CSNK1D: variants seen among roughly 807,000 people sequenced by gnomAD.
The protein encoded by CSNK1D is casein kinase I isoform delta.
Under a neutral mutation model 46.6 loss-of-function variants are expected in CSNK1D, and 16 were observed. The ratio of observed to expected loss-of-function variants is 0.34; its 90% CI spans 0.23 to 0.52. The LOEUF is 0.52. CSNK1D is among the 20% of genes least tolerant of loss of function. The pLI, the probability that CSNK1D is intolerant of heterozygous loss-of-function variation, is 0.95. For missense variants in CSNK1D, 398 were observed against 578.4 expected (o/e 0.69, Z 3.20); for synonymous variants, 276 against 228.2 (o/e 1.21, Z -1.89).
In CSNK1D at chr17:82,243,787, C is replaced by CT; in HGVS notation, c.*993dup. The CT allele has an allele frequency of 3.0e-6, 3 of 985,466 alleles. No homozygotes were observed. Among genetic ancestry groups the CT allele is most frequent in the Non-Finnish European group, 3.6e-6 (3 of 829,960 alleles). 61.0% of individuals were successfully genotyped at this position (985,466 alleles called of 1,614,324 possible). ...GAGCATTGAGTGCTGAGAAAATGGACTGAGTGCAAAGGCAGCAAGGCAACA... is the reference window on the plus strand; with the variant it reads ...GAGCATTGAGTGCTGAGAAAATGGACTTGAGTGCAAAGGCAGCAAGGCAACA... On this transcript the variant is annotated 3_prime_UTR_variant, in exon 9 of 9. Transcript: ENST00000314028.
chr17:82,250,516 G>A lies in CSNK1D; in HGVS notation c.885+863C>T, dbSNP rs113613283. On this transcript the variant is annotated intron_variant, in intron 6 of 8. Transcript: ENST00000314028. The surrounding 1 kb of genome is among the most constrained non-coding windows in gnomAD (Gnocchi z 4.6). ...CTGCCCTGCCGAGTGCACCCCTCCC[G>A]GCACCTGGGCCCCGAGGCTCGGGCC... 152 of 250,416 alleles carry A rather than the reference G, an allele frequency of 6.1e-4. 1 individual carries two copies. Among genetic ancestry groups the A allele is most frequent in the African/African-American group, 3.1e-3 (137 of 43,698 alleles). 15.5% of individuals were successfully genotyped at this position (250,416 alleles called of 1,614,324 possible).
intron 1 of CSNK1D, among the ~76,000 whole-genome samples, chr17:82,271,290 G>C (rs2051616853): frequency 6.6e-6 from 1 of 152,126 alleles, no homozygotes; most frequent in Non-Finnish European, 1.5e-5. Flanking sequence ...TGGCCAGGCT[G>C]GTCTCCTGAC....
chr17:82,255,418 A>G lies in CSNK1D; in HGVS notation c.336+11T>C. 1 of 1,614,180 alleles carries G rather than the reference A, an allele frequency of 6.2e-7. No individual in the cohort carries two copies. The highest frequency in any genetic ancestry group is 8.5e-7 in the Non-Finnish European group (1 of 1,180,026). ...GCAAGTGTGTGCCAACTGTCAGGAAACAGTCCTTACCATTTGGTCAGCAAG... is the reference window on the plus strand; with the variant it reads ...GCAAGTGTGTGCCAACTGTCAGGAAGCAGTCCTTACCATTTGGTCAGCAAG... On this transcript the variant is annotated intron_variant, in intron 3 of 8. Coordinates refer to ENST00000314028, the MANE Select transcript of CSNK1D (RefSeq NM_001893.6). This position sits in a 1 kb window ranked among gnomAD's most constrained non-coding sequence, Gnocchi z 5.9.
rs964824656 is a variant in CSNK1D at position 82,250,573 on chromosome 17, A to G, written c.885+806T>C. ...GCCTGCCATCTCTCCGGGGCCTCCA[A>G]GTACTCCCCACGCTGATGGGCACTT... On this transcript the variant is annotated intron_variant, in intron 6 of 8. Transcript: ENST00000314028. This position sits in a 1 kb window ranked among gnomAD's most constrained non-coding sequence, Gnocchi z 4.6. 3 of 236,608 alleles carry G rather than the reference A, an allele frequency of 1.3e-5. No individual in the cohort carries two copies. The highest frequency in any genetic ancestry group is 2.3e-5 in the African/African-American group (1 of 43,606). The allele number at this position is 236,608 out of a possible 1,614,324, so 14.7% of individuals were successfully genotyped here.
At chr17:82,259,310 ACT>A (rs1476093250) in intron 2 of CSNK1D, among the ~76,000 whole-genome samples, 2 of 152,168 alleles carry the variant, frequency 1.3e-5, no homozygotes, top group Non-Finnish European at 1.5e-5. Context: ...AATTTGCTCA[ACT>A]CTCTAATCTG....
chr17:82,247,406 C>A (rs1253708151), intron 8 of CSNK1D: 1 of 985,362 alleles, frequency 1.0e-6, no homozygotes, highest in East Asian at 1.1e-4. Flanking sequence ...TCACTGCCCA[C>A]AAAGATCCCA....
chr17:82,269,394 G>T (rs2051560833), intron 1 of CSNK1D, among the ~76,000 whole-genome samples: 1 of 152,166 alleles, frequency 6.6e-6, no homozygotes, highest in South Asian at 2.1e-4. Context: ...GACCCCAGAA[G>T]CTACAGGAAG....
At chr17:82,257,803 CA>C (rs1047557980) in intron 2 of CSNK1D, among the ~76,000 whole-genome samples, 1 of 152,224 alleles carries the variant, frequency 6.6e-6, no homozygotes, top group Admixed American at 6.5e-5. Context: ...CAATGTCCGG[CA>C]TCCAAAGTGG....
intron 8 of CSNK1D, chr17:82,246,264 C>A: frequency 6.9e-7 from 1 of 1,449,576 alleles, no homozygotes; most frequent in Admixed American, 2.2e-5. Flanking sequence ...GCTCTTAAGG[C>A]CAACAATGGC....
In CSNK1D at chr17:82,252,341, C is replaced by A. The variant is rs908231512; in HGVS notation, c.736+93G>T. On this transcript the variant is annotated intron_variant, in intron 5 of 8. Coordinates refer to ENST00000314028, the MANE Select transcript of CSNK1D (RefSeq NM_001893.6). This position sits in a 1 kb window ranked among gnomAD's most constrained non-coding sequence, Gnocchi z 4.6. ...CCCCTTTGGAAGGTGAGCAACTCTT[C>A]TGACAAAACCCAGACTGAGCCGTCT... 1.4e-6 allele frequency: 2 copies of A among 1,473,228 alleles called. No homozygotes were observed. The allele number at this position is 1,473,228 out of a possible 1,614,324, so 91.3% of individuals were successfully genotyped here.
At chr17:82,257,372 G>A (rs1272830933) in intron 2 of CSNK1D, among the ~76,000 whole-genome samples, 1 of 151,998 alleles carries the variant, frequency 6.6e-6, no homozygotes, top group African/African-American at 2.4e-5. Context: ...TGCTTTATGA[G>A]TGCTTTCAGT....
chr17:82,249,928 G>T lies in CSNK1D; in HGVS notation c.886-326C>A. ...GCTCTGTGAACATGCTCACTAACAC[G>T]TGCAGAAAGAGGAGAGGGACAGGAA... is the stretch of plus-strand genomic sequence containing the variant. On this transcript the variant is annotated intron_variant, in intron 6 of 8. Transcript: ENST00000314028. The surrounding 1 kb of genome is among the most constrained non-coding windows in gnomAD (Gnocchi z 6.7). 7.7e-7 allele frequency: 1 copy of T among 1,299,148 alleles called. No individual in the cohort carries two copies. The highest frequency in any genetic ancestry group is 1.5e-5 in the African/African-American group (1 of 66,504). 80.5% of individuals were successfully genotyped at this position (1,299,148 alleles called of 1,614,324 possible). A position where few individuals can be genotyped will look rare whatever the true frequency, so the allele number is the denominator to read the frequency against.
Position 82,273,198 on chromosome 17 carries a change from TGCGCGGAGACCCC to T in CSNK1D, c.76+95_76+107del, listed in dbSNP as rs1194796425. On this transcript the variant is annotated intron_variant, in intron 1 of 8. Transcript: ENST00000314028. The surrounding 1 kb of genome is among the most constrained non-coding windows in gnomAD (Gnocchi z 5.1). The stretch of plus-strand genomic sequence containing the variant: ...GCCACGATCCGGCGGTGCCGGGACT[TGCGCGGAGACCCC>T]GCGGGGGCCACCACTTCCTTCCGCG... The T allele has an allele frequency of 1.8e-5, 21 of 1,169,894 alleles. No homozygotes were observed. The highest frequency in any genetic ancestry group is 2.5e-5 in the Non-Finnish European group (21 of 826,930). The allele number at this position is 1,169,894 out of a possible 1,614,324, so 72.5% of individuals were successfully genotyped here. A position where few individuals can be genotyped will look rare whatever the true frequency, so the allele number is the denominator to read the frequency against.
chr17:82,254,007 G>A (rs79294996), intron 3 of CSNK1D: 5 of 206,978 alleles, frequency 2.4e-5, no homozygotes, highest in South Asian at 4.0e-5. Context: ...CCGGAGCCTC[G>A]AGAAGCCAGT....
Position 82,244,116 on chromosome 17 carries a change from G to C in CSNK1D, c.*665C>G, listed in dbSNP as rs761414785. 2.1e-5 allele frequency: 21 copies of C among 991,284 alleles called. No homozygotes were observed. Among genetic ancestry groups the C allele is most frequent in the Non-Finnish European group, 2.5e-5 (21 of 833,184 alleles). The allele number at this position is 991,284 out of a possible 1,614,324, so 61.4% of individuals were successfully genotyped here. On this transcript the variant is annotated 3_prime_UTR_variant, in exon 9 of 9. Coordinates refer to ENST00000314028, the MANE Select transcript of CSNK1D (RefSeq NM_001893.6). ...GAGGGTGAGACGCCAAAATCAGGTT[G>C]AAGAGGTCCCACCACACACGGGCAC...
chr17:82,240,632 G>A (rs148489247), downstream of CSNK1D, among the ~76,000 whole-genome samples: 7 of 152,106 alleles, frequency 4.6e-5, no homozygotes, highest in South Asian at 2.1e-4. Flanking sequence ...GTCACCCCTC[G>A]TCTGCCCCAC....
intron 3 of CSNK1D, 114 bp from the exon 4 acceptor site, chr17:82,253,358 A>AG: frequency 1.1e-6 from 1 of 905,194 alleles, no homozygotes; most frequent in South Asian, 1.3e-5. Context: ...CAGCCACAGC[A>AG]GGGTAGTTTA....
At position 82,273,165 on chromosome 17, in the gene CSNK1D, G is replaced by A. The variant is rs947169269; in HGVS notation, c.76+141C>T. Reference sequence around the variant, plus strand: ...TGGCCGCGCTAGCCTAGTGGCCGTTGGGTTCTGGCCACGATCCGGCGGTGC... The same window carrying A: ...TGGCCGCGCTAGCCTAGTGGCCGTTAGGTTCTGGCCACGATCCGGCGGTGC... On this transcript the variant is annotated intron_variant, in intron 1 of 8. Transcript: ENST00000314028. The surrounding 1 kb of genome is among the most constrained non-coding windows in gnomAD (Gnocchi z 5.1). 6.1e-6 allele frequency: 5 copies of A among 814,874 alleles called. No individual in the cohort carries two copies. Among genetic ancestry groups the A allele is most frequent in the Non-Finnish European group, 9.4e-6 (5 of 531,088 alleles). 50.5% of individuals were successfully genotyped at this position (814,874 alleles called of 1,614,324 possible).
At chr17:82,246,820 G>A (rs929394888) in intron 8 of CSNK1D, 11 of 986,624 alleles carry the variant, frequency 1.1e-5, no homozygotes, top group Admixed American at 6.1e-5. Flanking sequence ...GCGACGGCCC[G>A]AGGAGGAAGA....
Sources: gnomAD v4.1 joint callset for allele counts (sites outside exome capture counted in the v4.1 genomes callset) on GRCh38, gnomAD v4.1.1 for gene constraint, Gnocchi (gnomAD v3.1) non-coding constraint, MANE v1.5 for transcripts, NCBI Gene and HGNC (gene_info 2026-07-23, HGNC 2026-07-21) for gene names.